The following RAB30 variants were observed in gnomAD, a reference collection of about 807,000 sequenced individuals.
RAB30 encodes the protein RAB30, member RAS oncogene family, also known as ras-related protein Rab-30.
RAB30 carries 9 observed loss-of-function variants against 25.1 expected under a neutral mutation model. That is an observed-to-expected ratio of 0.36 (90% CI 0.22 to 0.63). The LOEUF (loss-of-function observed/expected upper bound fraction) is 0.63. Among genes scored for constraint, RAB30 ranks in the 20% least tolerant of loss-of-function variants. The pLI is 0.69. For synonymous variants in RAB30, 77 were observed against 86.4 expected, an observed-to-expected ratio of 0.89 and a Z score of 0.60; for missense variants, 140 against 243.5, an observed-to-expected ratio of 0.58 and a Z score of 2.83.
intron 1 of RAB30, among the ~76,000 whole-genome samples, chr11:83,051,272 T>C (rs1858351861): frequency 1.3e-5 from 2 of 152,190 alleles, no homozygotes; most frequent in Non-Finnish European, 2.9e-5. Flanking sequence ...AATAACCATG[T>C]TGAACTGCTG....
At chr11:83,065,836 A>G (rs541230205) in intron 1 of RAB30, among the ~76,000 whole-genome samples, 3 of 152,344 alleles carry the variant, frequency 2.0e-5, no homozygotes, top group Admixed American at 2.0e-4. Flanking sequence ...CCTTACAAAG[A>G]AACAGAGGCT....
chr11:83,021,051 TCCTCTCCGC>T (rs1174869337), intron 1 of RAB30, among the ~76,000 whole-genome samples: 2 of 152,094 alleles, frequency 1.3e-5, no homozygotes, highest in African/African-American at 4.8e-5. Context: ...AGAGGAGCTA[TCCTCTCCGC>T]TAGGAGTTAA....
At chr11:83,030,937 T>C (rs1857843076) in intron 1 of RAB30, among the ~76,000 whole-genome samples, 1 of 152,232 alleles carries the variant, frequency 6.6e-6, no homozygotes, top group Non-Finnish European at 1.5e-5. Flanking sequence ...AAGAGGTAAT[T>C]AAGTTAAAAT....
In RAB30 at chr11:82,985,929, C is replaced by T. The variant is rs144550576; in HGVS notation, c.361+1658G>A. On this transcript the variant is annotated intron_variant, in intron 4 of 4. Coordinates refer to ENST00000527633, the MANE Select transcript of RAB30 (RefSeq NM_001286060.2). ...AGAACTGCTGGGCTCAAGCAATCCT[C>T]CTGCCTCAGCTTCCCAGAACACTGA... Among the ~76,000 whole-genome samples, 8 of 152,158 alleles carry T rather than the reference C, an allele frequency of 5.3e-5. No homozygotes were observed. The East Asian group carries it at 1.5e-3, about 29-fold the overall frequency.
At chr11:83,033,211 C>T (rs1590866245) in intron 1 of RAB30, among the ~76,000 whole-genome samples, 1 of 151,516 alleles carries the variant, frequency 6.6e-6, no homozygotes, top group African/African-American at 2.4e-5. Flanking sequence ...ATTACAGGCA[C>T]ATGCTACCAC....
At chr11:83,007,677 G>T (rs1010507654) in intron 1 of RAB30, among the ~76,000 whole-genome samples, 6 of 152,132 alleles carry the variant, frequency 3.9e-5, no homozygotes, top group Admixed American at 3.3e-4. Context: ...AGAGGCCACC[G>T]CTTAGGACCC....
intron 1 of RAB30, among the ~76,000 whole-genome samples, chr11:83,013,670 C>T (rs1014026900): frequency 6.6e-6 from 1 of 152,092 alleles, no homozygotes. Context: ...CTATAATTTC[C>T]CAAGAGAAAG....
At chr11:83,030,760 G>A (rs761943480) in intron 1 of RAB30, among the ~76,000 whole-genome samples, 1 of 150,692 alleles carries the variant, frequency 6.6e-6, no homozygotes, top group African/African-American at 2.4e-5. Flanking sequence ...TCGTGCCATT[G>A]CACTTCAGCC....
chr11:83,033,361 C>A (rs560622575), intron 1 of RAB30, among the ~76,000 whole-genome samples: 1 of 151,414 alleles, frequency 6.6e-6, no homozygotes, highest in South Asian at 2.1e-4. Flanking sequence ...CCACTGAGCC[C>A]GGCCTGCCTC....
intron 1 of RAB30, among the ~76,000 whole-genome samples, chr11:83,050,748 G>T (rs9971403): frequency 0.57 from 87,025 of 151,900 alleles, 25,606 homozygotes; most frequent in African/African-American, 0.72. Context: ...TTGTGATAGT[G>T]TATTAGGAAC....
At chr11:83,038,007 T>C (rs1858023787) in intron 1 of RAB30, among the ~76,000 whole-genome samples, 1 of 151,240 alleles carries the variant, frequency 6.6e-6, no homozygotes, top group African/African-American at 2.4e-5. Flanking sequence ...GCCTTGGGAG[T>C]GGGAGAGGGT....
chr11:82,995,232 T>C (rs1856934819), intron 2 of RAB30, among the ~76,000 whole-genome samples: 2 of 152,232 alleles, frequency 1.3e-5, no homozygotes, highest in South Asian at 4.1e-4. Flanking sequence ...AAGAATTATT[T>C]AAAGTTTTAG....
Position 83,012,152 on chromosome 11 carries a change from A to G in RAB30, c.-8-14828T>C, listed in dbSNP as rs554991512. 6.6e-4 allele frequency among the ~76,000 whole-genome samples: 101 copies of G among 152,318 alleles called. No individual in the cohort carries two copies. The South Asian group carries it at 0.02, about 31-fold the overall frequency. On this transcript the variant is annotated intron_variant, in intron 1 of 4. Coordinates refer to ENST00000527633, the MANE Select transcript of RAB30 (RefSeq NM_001286060.2). ...CTGTCCTCTGTTCTAAGGATAGAGG[A>G]AAAAAGCTGCTGTGTTGGACTGCCT...
chr11:83,050,342 C>T (rs891922077), intron 1 of RAB30, among the ~76,000 whole-genome samples: 1 of 152,118 alleles, frequency 6.6e-6, no homozygotes, highest in African/African-American at 2.4e-5. Flanking sequence ...CCCCGCTCCC[C>T]TTACTACCCA....
At chr11:83,045,076 A>G (rs908679965) in intron 1 of RAB30, among the ~76,000 whole-genome samples, 1 of 151,922 alleles carries the variant, frequency 6.6e-6, no homozygotes, top group Non-Finnish European at 1.5e-5. Context: ...ACATTAGCCT[A>G]TCTCATGAAA....
intron 1 of RAB30, among the ~76,000 whole-genome samples, chr11:83,042,610 T>A (rs1233360822): frequency 3.3e-5 from 5 of 152,124 alleles, no homozygotes; most frequent in Admixed American, 3.3e-4. Context: ...GGCAACTTCA[T>A]GACTACAAAA....
At chr11:82,992,502 C>T (rs557710600) in intron 3 of RAB30, 3 of 406,206 alleles carry the variant, frequency 7.4e-6, no homozygotes, top group South Asian at 3.6e-5. Context: ...TGCTGAAGAG[C>T]ATTATGGAGC....
Position 83,045,886 on chromosome 11 carries a change from A to G in RAB30, c.-9+25805T>C, listed in dbSNP as rs114714505. Among the ~76,000 whole-genome samples the G allele has an allele frequency of 6.5e-3, 993 of 152,308 alleles. 6 individuals carry two copies. The highest frequency in any genetic ancestry group is 0.022 in the African/African-American group (910 of 41,564). ...TGTGACCCAGAGTAAGTAATTTAAA[A>G]TCTCTGGGTTTCATGCTCTTCATTT... On this transcript the variant is annotated intron_variant, in intron 1 of 4. Transcript: ENST00000527633.
At chr11:83,033,135 G>C (rs1045976496) in intron 1 of RAB30, among the ~76,000 whole-genome samples, 3 of 136,114 alleles carry the variant, frequency 2.2e-5, no homozygotes, top group African/African-American at 8.4e-5. Context: ...CATGACCTCA[G>C]CTCACTACAA....
Sources: gnomAD v4.1 joint callset for allele counts (sites outside exome capture counted in the v4.1 genomes callset) on GRCh38, gnomAD v4.1.1 for gene constraint, MANE v1.5 for transcripts, NCBI Gene and HGNC (gene_info 2026-07-23, HGNC 2026-07-21) for gene names.